Variants in SPMIP5 observed in about 807,000 individuals in gnomAD.
The protein encoded by SPMIP5 is sperm microtubule inner protein 5, also known as sperm-associated microtubule inner protein 5.
the SPMIP5 span, chr10:116,663,970 C>T: frequency 6.5e-7 from 1 of 1,539,878 alleles, no homozygotes; most frequent in Non-Finnish European, 8.7e-7. Flanking sequence ...GCATGGTATA[C>T]TTGGCCTCTG....
At chr10:116,664,065 C>A in the SPMIP5 span, 1 of 1,606,386 alleles carries the variant, frequency 6.2e-7, no homozygotes, top group Non-Finnish European at 8.5e-7. Flanking sequence ...GGAGAGGAAC[C>A]GTCCGTGTGA....
At chr10:116,662,574 G>A in the SPMIP5 span, among the ~76,000 whole-genome samples, 13 of 152,118 alleles carry the variant, frequency 8.5e-5, no homozygotes, top group African/African-American at 2.7e-4. Context: ...AAAAACCTCC[G>A]AGGCCCAGCT....
the SPMIP5 span, among the ~76,000 whole-genome samples, chr10:116,666,777 T>C: frequency 6.6e-6 from 1 of 152,152 alleles, no homozygotes; most frequent in Non-Finnish European, 1.5e-5. Flanking sequence ...GCCACAGTGG[T>C]TTCCCTGCCA....
At chr10:116,667,656 A>G in the SPMIP5 span, among the ~76,000 whole-genome samples, 5 of 152,310 alleles carry the variant, frequency 3.3e-5, no homozygotes, top group Non-Finnish European at 2.9e-5. Context: ...ACCCACAGGG[A>G]TATGACTTAG....
At chr10:116,669,408 G>A in the SPMIP5 span, among the ~76,000 whole-genome samples, 1 of 152,216 alleles carries the variant, frequency 6.6e-6, no homozygotes, top group Admixed American at 6.5e-5. Flanking sequence ...CACTGGGCCT[G>A]GAGTCAGACA....
the SPMIP5 span, chr10:116,664,452 C>T: frequency 1.3e-6 from 1 of 753,672 alleles, no homozygotes; most frequent in East Asian, 2.9e-5. Flanking sequence ...AAAGCTGAGG[C>T]CACTCAGCAC....
At chr10:116,663,163 CAG>C in the SPMIP5 span, among the ~76,000 whole-genome samples, 1 of 130,594 alleles carries the variant, frequency 7.7e-6, no homozygotes, top group African/African-American at 2.9e-5. Context: ...GCCTGGGTGA[CAG>C]AGCTAGATTC....
chr10:116,668,208 G>A, the SPMIP5 span: 6 of 1,557,620 alleles, frequency 3.9e-6, no homozygotes, highest in Non-Finnish European at 5.3e-6. Flanking sequence ...ACAGTGACCA[G>A]GACCCGGGTT....
chr10:116,665,616 AG>A, the SPMIP5 span: 1 of 1,612,160 alleles, frequency 6.2e-7, no homozygotes, highest in Non-Finnish European at 8.5e-7. Flanking sequence ...ACCCAGGATC[AG>A]GGGGTGGTAC....
the SPMIP5 span, among the ~76,000 whole-genome samples, chr10:116,669,124 T>G: frequency 6.6e-6 from 1 of 152,118 alleles, no homozygotes; most frequent in Non-Finnish European, 1.5e-5. Context: ...ATAAGACACC[T>G]TCCCTCTTTG....
At chr10:116,665,029 G>A in the SPMIP5 span, 6 of 1,535,038 alleles carry the variant, frequency 3.9e-6, no homozygotes, top group South Asian at 6.5e-5. Flanking sequence ...GAAAACTTGT[G>A]ACTTGCCTAG....
the SPMIP5 span, chr10:116,664,799 C>T: frequency 1.6e-5 from 26 of 1,614,030 alleles, no homozygotes; most frequent in East Asian, 1.6e-4. Flanking sequence ...TGGCCCTCTC[C>T]GTGATCTCCA....
At chr10:116,665,024 C>T in the SPMIP5 span, 6 of 1,538,016 alleles carry the variant, frequency 3.9e-6, no homozygotes, top group Non-Finnish European at 5.2e-6. Flanking sequence ...GGCCTGAAAA[C>T]TTGTGACTTG....
the SPMIP5 span, chr10:116,668,418 A>G: frequency 3.9e-6 from 4 of 1,038,414 alleles, no homozygotes; most frequent in African/African-American, 4.8e-5. Context: ...TGGGAGTGGA[A>G]GAATGACTGC....
chr10:116,668,919 G>A, the SPMIP5 span, among the ~76,000 whole-genome samples: 63 of 84,014 alleles, frequency 7.5e-4, no homozygotes, highest in Middle Eastern at 0.018. Flanking sequence ...CCCCCCACCC[G>A]CCGGCACACA....
chr10:116,669,790 G>C, the SPMIP5 span: 2 of 152,366 alleles, frequency 1.3e-5, no homozygotes, highest in Admixed American at 1.3e-4. Context: ...GCATCAGCTG[G>C]GGTATAAGCC....
the SPMIP5 span, among the ~76,000 whole-genome samples, chr10:116,667,360 T>C: frequency 1.5e-4 from 23 of 152,242 alleles, no homozygotes; most frequent in Non-Finnish European, 3.4e-4. Flanking sequence ...TTCCATCACT[T>C]TAAACCACAT....
the SPMIP5 span, among the ~76,000 whole-genome samples, chr10:116,669,601 C>T: frequency 6.6e-6 from 1 of 152,176 alleles, no homozygotes; most frequent in African/African-American, 2.4e-5. Flanking sequence ...GCAGCAGAAC[C>T]GCATTCTCCT....
chr10:116,663,852 G>T, the SPMIP5 span: 117 of 1,471,988 alleles, frequency 7.9e-5, no homozygotes, highest in Non-Finnish European at 1.0e-4. Context: ...ACATGAGAAT[G>T]GCAGGTTTTG....
Sources: allele counts gnomAD v4.1 joint callset (sites outside exome capture counted in the v4.1 genomes callset), GRCh38; gene constraint gnomAD v4.1.1; transcripts MANE v1.5; gene names NCBI Gene and HGNC (gene_info 2026-07-23, HGNC 2026-07-21).